ZNF280B: variants seen among roughly 807,000 people sequenced by gnomAD.
ZNF280B encodes suppressor of hairy wing homolog 2.
In ZNF280B, 16 loss-of-function variants were observed where a neutral mutation model predicts 38.0. The observed-to-expected ratio is 0.42, with a 90% CI of 0.28 to 0.64. ZNF280B has a LOEUF of 0.64. Among genes scored for constraint, ZNF280B ranks in the 30% least tolerant of loss-of-function variants. The pLI, the probability that ZNF280B is intolerant of heterozygous loss-of-function variation, is 0.21. For synonymous variants in ZNF280B, 253 were observed against 230.6 expected, an observed-to-expected ratio of 1.10 and a Z score of -0.88; for missense variants, 581 against 639.6, an observed-to-expected ratio of 0.91 and a Z score of 0.99.
At chr22:22,502,389 T>C (rs2061843456) in intron 2 of ZNF280B, among the ~76,000 whole-genome samples, 1 of 151,860 alleles carries the variant, frequency 6.6e-6, no homozygotes, top group African/African-American at 2.4e-5. Flanking sequence ...TGGCAATTGC[T>C]CAAAATTTAA....
chr22:22,499,358 G>A (rs140832366), intron 2 of ZNF280B, among the ~76,000 whole-genome samples: 7,125 of 151,076 alleles, frequency 0.047, 239 homozygotes, highest in Non-Finnish European at 0.074. Context: ...TCCGCCTCCC[G>A]GGTTCAAGCA....
At position 22,486,953 on chromosome 22, in the gene ZNF280B, ACAGCAGAGGC is replaced by A. The variant is rs2061509886; in HGVS notation, c.*804_*813del. 1 of 152,018 alleles carries A rather than the reference ACAGCAGAGGC, an allele frequency of 6.6e-6. No individual in the cohort carries two copies. The highest frequency in any genetic ancestry group is 2.4e-5 in the African/African-American group (1 of 41,404). The allele number at this position is 152,018 out of a possible 1,614,324, so 9.4% of individuals were successfully genotyped here. ...TCTTTTCAGGTTATTTTATGCCAGC[ACAGCAGAGGC>A]ACTTCTGGGAATTCGGCAGCAAGTG... On this transcript the variant is annotated 3_prime_UTR_variant, in exon 4 of 4. Coordinates refer to ENST00000626650, the MANE Select transcript of ZNF280B (RefSeq NM_080764.4).
intron 2 of ZNF280B, among the ~76,000 whole-genome samples, chr22:22,494,616 C>T (rs1006244452): frequency 1.1e-4 from 17 of 151,914 alleles, no homozygotes; most frequent in African/African-American, 3.9e-4. Context: ...TTCTCACCTC[C>T]CATGATGGGA....
intron 3 of ZNF280B, among the ~76,000 whole-genome samples, chr22:22,492,801 G>A (rs972870506): frequency 6.6e-6 from 1 of 150,968 alleles, no homozygotes; most frequent in African/African-American, 2.4e-5. Flanking sequence ...CAGGAGAATC[G>A]CTTGAATCCA....
intron 3 of ZNF280B, among the ~76,000 whole-genome samples, chr22:22,491,448 GT>G (rs1329248875): frequency 1.7e-5 from 2 of 118,302 alleles, no homozygotes; most frequent in African/African-American, 7.8e-5. Context: ...CATTTTTCTT[GT>G]CTTTTTTCTT....
At chr22:22,505,959 T>C (rs967611982) in intron 2 of ZNF280B, among the ~76,000 whole-genome samples, 1 of 151,800 alleles carries the variant, frequency 6.6e-6, no homozygotes, top group African/African-American at 2.4e-5. Context: ...TACTGAAATA[T>C]TATGAACAAA....
chr22:22,488,933 C>A lies in ZNF280B; in HGVS notation c.466G>T (p.Val156Leu). The A allele has an allele frequency of 1.2e-6, 2 of 1,613,800 alleles. No individual in the cohort carries two copies. Among genetic ancestry groups the A allele is most frequent in the Non-Finnish European group, 1.7e-6 (2 of 1,179,974 alleles). Residue 156 changes from valine (V) to leucine (L), a missense_variant, in exon 4 of 4, where the codon GTA (valine) becomes TTA (leucine). Coordinates refer to ENST00000626650, the MANE Select transcript of ZNF280B (RefSeq NM_080764.4). Reference protein sequence around the residue: ...ITFTDSLHHPVSTALSVGGIN... With the variant: ...ITFTDSLHHPLSTALSVGGIN... ...CCTCCTACTGAAAGTGCTGTACTTACTGGATGATGCAATGAATCTGTGAAT... is the reference window on the plus strand; with the variant it reads ...CCTCCTACTGAAAGTGCTGTACTTAATGGATGATGCAATGAATCTGTGAAT...
chr22:22,492,146 T>G (rs556370040), intron 3 of ZNF280B, among the ~76,000 whole-genome samples: 2 of 152,108 alleles, frequency 1.3e-5, no homozygotes, highest in Non-Finnish European at 2.9e-5. Context: ...CATTGTCAAC[T>G]ATATACAAAC....
chr22:22,485,636 G>C lies in ZNF280B; in HGVS notation c.*2131C>G, dbSNP rs1380369496. The C allele has an allele frequency of 6.6e-6, 1 of 151,936 alleles. No individual in the cohort carries two copies. Among genetic ancestry groups the C allele is most frequent in the Non-Finnish European group, 1.5e-5 (1 of 68,012 alleles). The allele number at this position is 151,936 out of a possible 1,614,324, so 9.4% of individuals were successfully genotyped here. On this transcript the variant is annotated 3_prime_UTR_variant, in exon 4 of 4. Coordinates refer to ENST00000626650, the MANE Select transcript of ZNF280B (RefSeq NM_080764.4). ...TACTGCCTTCTACTCTAAGAGGGAT[G>C]CTAAGCTCTTAATTATCTCTTCCCG...
intron 2 of ZNF280B, among the ~76,000 whole-genome samples, chr22:22,496,785 G>C (rs1302614586): frequency 6.7e-6 from 1 of 150,232 alleles, no homozygotes; most frequent in East Asian, 2.0e-4. Context: ...AAAAAAATTT[G>C]TGTGTGGCTA....
chr22:22,492,323 G>C (rs1331496746), intron 3 of ZNF280B, among the ~76,000 whole-genome samples: 1 of 151,884 alleles, frequency 6.6e-6, no homozygotes, highest in Non-Finnish European at 1.5e-5. Context: ...ACCTAGCCCA[G>C]TGTTTCCTAA....
intron 3 of ZNF280B, among the ~76,000 whole-genome samples, chr22:22,492,453 G>A (rs879915135): frequency 2.0e-5 from 3 of 151,880 alleles, no homozygotes; most frequent in African/African-American, 2.4e-5. Flanking sequence ...CCCCAGGGTG[G>A]CAACTAAAAA....
chr22:22,492,202 A>G (rs1391099607), intron 3 of ZNF280B, among the ~76,000 whole-genome samples: 1 of 151,960 alleles, frequency 6.6e-6, no homozygotes, highest in Non-Finnish European at 1.5e-5. Context: ...GTAGATATAT[A>G]ATGCCAGAAA....
rs1174551246 is a variant in ZNF280B, at chr22:22,489,218, A to G, written c.181T>C (p.Leu61=). Residue 61 remains leucine, a synonymous_variant, in exon 4 of 4, where the codon TTG becomes CTG. Transcript: ENST00000626650. ...CATGAACCCGGGGTGACTCTGTTCA[A>G]AATGTTTGAAACGACTGGTTTTGAA... The part of the protein sequence containing the change: ...SNSKPVVSNI[L]NRVTPGSWSR... 1 of 1,613,708 alleles carries G rather than the reference A, an allele frequency of 6.2e-7. No individual in the cohort carries two copies. Among genetic ancestry groups the G allele is most frequent in the Non-Finnish European group, 8.5e-7 (1 of 1,179,958 alleles).
At chr22:22,491,672 CTGG>C in intron 3 of ZNF280B, among the ~76,000 whole-genome samples, 1 of 151,844 alleles carries the variant, frequency 6.6e-6, no homozygotes, top group Admixed American at 6.6e-5. Flanking sequence ...GTTGGCCAGG[CTGG>C]TCTTGAACTC....
At chr22:22,492,179 TACA>T (rs1160141272) in intron 3 of ZNF280B, among the ~76,000 whole-genome samples, 1 of 151,952 alleles carries the variant, frequency 6.6e-6, no homozygotes, top group Non-Finnish European at 1.5e-5. Flanking sequence ...AATAGTGATT[TACA>T]ACTTAATCAG....
In ZNF280B at chr22:22,486,708, C is replaced by T. The variant is rs1198986382; in HGVS notation, c.*1059G>A. ...GCAGGGGCCCTTCACCAAACAAAAG[C>T]ATTTTACTTTGAATGGTTTGGCTTC... On this transcript the variant is annotated 3_prime_UTR_variant, in exon 4 of 4. Coordinates refer to ENST00000626650, the MANE Select transcript of ZNF280B (RefSeq NM_080764.4). The T allele has an allele frequency of 6.6e-6, 1 of 151,940 alleles. No homozygotes were observed. The highest frequency in any genetic ancestry group is 2.0e-4 in the East Asian group (1 of 5,102). The allele number at this position is 151,940 out of a possible 1,614,324, so 9.4% of individuals were successfully genotyped here. A position where few individuals can be genotyped will look rare whatever the true frequency, so the allele number is the denominator to read the frequency against.
intron 2 of ZNF280B, among the ~76,000 whole-genome samples, chr22:22,502,210 C>G (rs149786587): frequency 6.6e-6 from 1 of 151,970 alleles, no homozygotes; most frequent in African/African-American, 2.4e-5. Flanking sequence ...TGAAATGCTG[C>G]TCAATATAGT....
chr22:22,501,650 G>T (rs1307514710), intron 2 of ZNF280B, among the ~76,000 whole-genome samples: 1 of 151,882 alleles, frequency 6.6e-6, no homozygotes, highest in African/African-American at 2.4e-5. Context: ...GGCTGAGATG[G>T]GAGGATCGCT....
Sources: allele counts gnomAD v4.1 joint callset (sites outside exome capture counted in the v4.1 genomes callset), GRCh38; gene constraint gnomAD v4.1.1; transcripts MANE v1.5; gene names NCBI Gene and HGNC (gene_info 2026-07-23, HGNC 2026-07-21).